The following TASOR variants were observed in gnomAD, a reference collection of about 807,000 sequenced individuals.
TASOR encodes the protein protein TASOR.
Under a neutral mutation model 178.6 loss-of-function variants are expected in TASOR, and 53 were observed. The observed-to-expected ratio is 0.30, with a 90% CI of 0.24 to 0.37. The LOEUF is 0.37. Among genes scored for constraint, TASOR ranks in the 10% least tolerant of loss-of-function variants. TASOR has a pLI of 1.00. For synonymous variants in TASOR, 713 were observed against 696.2 expected (o/e 1.02, Z -0.38); for missense variants, 1,815 against 1,971.4 (o/e 0.92, Z 1.50).
In TASOR at chr3:56,641,767, G is replaced by C. The variant is rs769881159; in HGVS notation, c.2216-15C>G. The C allele has an allele frequency of 8.3e-6, 13 of 1,574,772 alleles. No homozygotes were observed. The highest frequency in any genetic ancestry group is 5.6e-5 in the Admixed American group (3 of 53,462). On this transcript the variant is annotated splice_polypyrimidine_tract_variant and intron_variant, in intron 14 of 23. Coordinates refer to ENST00000683822, the MANE Select transcript of TASOR (RefSeq NM_001365635.2). The stretch of plus-strand genomic sequence containing the variant: ...CTGTGGAGACTCTGAGAAAAAGGAA[G>C]TCATTGGTTGAAGTTAAGTTTAAAA...
chr3:56,655,033 C>T (rs1273067641), intron 11 of TASOR, among the ~76,000 whole-genome samples: 2 of 152,112 alleles, frequency 1.3e-5, no homozygotes, highest in Non-Finnish European at 2.9e-5. Context: ...CTCTGCAGAA[C>T]CCAAAAATAC....
chr3:56,634,023 CACAA>C, intron 17 of TASOR, 57 bp from the exon 18 acceptor site: 1 of 1,365,810 alleles, frequency 7.3e-7, no homozygotes, highest in South Asian at 1.5e-5. Flanking sequence ...GATATGAAAA[CACAA>C]ACCCTTAAAT....
chr3:56,674,337 C>T (rs930892548), intron 1 of TASOR, among the ~76,000 whole-genome samples: 3 of 146,534 alleles, frequency 2.0e-5, no homozygotes, highest in African/African-American at 7.6e-5. Flanking sequence ...CCTGTCTCTA[C>T]AAACCATTAA....
intron 16 of TASOR, among the ~76,000 whole-genome samples, chr3:56,639,500 C>T (rs1454727835): frequency 6.6e-6 from 1 of 152,118 alleles, no homozygotes; most frequent in African/African-American, 2.4e-5. Flanking sequence ...AGGCCATTCT[C>T]TAAGATAATC....
Position 56,660,799 on chromosome 3 carries a change from C to T in TASOR, c.1300G>A (p.Val434Ile). 1 of 1,613,788 alleles carries T rather than the reference C, an allele frequency of 6.2e-7. No homozygotes were observed. Among genetic ancestry groups the T allele is most frequent in the Non-Finnish European group, 8.5e-7 (1 of 1,179,950 alleles). The change falls in exon 11 of 24, where the codon GTT (valine) becomes ATT (isoleucine). Residue 434 changes from valine (V) to isoleucine (I), a missense_variant. Val to Ile is a conservative substitution (Grantham distance 29). Transcript: ENST00000683822. ...CTTCCAATTCTTGTCTTTTCCACAA[C>T]TTCATAAAGGCTGCAATACATTCCA... ...KNGMYCSLYE[V>I]VEKTRIGSNM...
In TASOR at chr3:56,646,723, G is replaced by T. The variant is rs1190830374; in HGVS notation, c.2014C>A (p.His672Asn). Residue 672 changes from histidine to asparagine, a missense_variant, in exon 14 of 24, where the codon CAT (histidine) becomes AAT (asparagine). Physicochemically the swap from His to Asn is moderately conservative, Grantham distance 68. Transcript: ENST00000683822. ...CTATCCTTATCATAATCCAAAGAAT[G>T]AGATGATCTTTGCTTTCCAGATATA... The part of the protein sequence containing the change: ...AIISGKQRSS[H>N]SLDYDKDRVK... 1.9e-6 allele frequency: 3 copies of T among 1,613,670 alleles called. No homozygotes were observed. In the African/African-American group the frequency reaches 4.0e-5, roughly 22 times the overall value.
intron 9 of TASOR, among the ~76,000 whole-genome samples, chr3:56,661,456 G>A (rs2077593703): frequency 6.6e-6 from 1 of 152,168 alleles, no homozygotes; most frequent in Non-Finnish European, 1.5e-5. Flanking sequence ...GTGCCCAGCA[G>A]TAAAGGGGAT....
intron 18 of TASOR, among the ~76,000 whole-genome samples, chr3:56,631,302 A>G (rs2063053326): frequency 6.6e-6 from 1 of 152,180 alleles, no homozygotes; most frequent in Non-Finnish European, 1.5e-5. Context: ...GGCTTAGGAC[A>G]TGTTAGTAGC....
intron 11 of TASOR, among the ~76,000 whole-genome samples, chr3:56,659,137 A>G (rs1450214701): frequency 1.3e-5 from 2 of 152,180 alleles, no homozygotes; most frequent in Non-Finnish European, 2.9e-5. Context: ...TATATATGAA[A>G]ATAATTAAAT....
intron 15 of TASOR, among the ~76,000 whole-genome samples, chr3:56,640,915 A>G (rs976346849): frequency 6.6e-6 from 1 of 152,012 alleles, no homozygotes; most frequent in Non-Finnish European, 1.5e-5. Flanking sequence ...CTATTTGCGT[A>G]AGAAATACCA....
intron 11 of TASOR, among the ~76,000 whole-genome samples, chr3:56,655,336 A>G (rs554098914): frequency 1.6e-4 from 24 of 152,224 alleles, no homozygotes; most frequent in Non-Finnish European, 2.2e-4. Context: ...TGCAGAAGAT[A>G]TATTACAAGA....
intron 2 of TASOR, among the ~76,000 whole-genome samples, chr3:56,672,422 C>T (rs1351577809): frequency 2.6e-5 from 4 of 152,114 alleles, no homozygotes; most frequent in African/African-American, 9.7e-5. Flanking sequence ...TTTAGGGAAC[C>T]TTTCAAAATT....
At chr3:56,638,909 A>C in intron 16 of TASOR, 144 bp from the exon 17 acceptor site, 1 of 744,044 alleles carries the variant, frequency 1.3e-6, no homozygotes, top group Non-Finnish European at 2.3e-6. Context: ...TGATGATGGA[A>C]TATCAACACT....
chr3:56,676,738 G>A (rs1448047213), intron 1 of TASOR, among the ~76,000 whole-genome samples: 1 of 152,194 alleles, frequency 6.6e-6, no homozygotes, highest in African/African-American at 2.4e-5. Context: ...TAATCTAATC[G>A]TAAGTAAAAA....
At chr3:56,660,579 C>A in intron 11 of TASOR, 152 bp downstream of exon 11, 1 of 590,602 alleles carries the variant, frequency 1.7e-6, no homozygotes, top group South Asian at 2.2e-5. Context: ...ATACCAGAAC[C>A]ACAGTAAAAC....
At chr3:56,634,004 A>G in intron 17 of TASOR, 38 bp from the exon 18 acceptor site, 2 of 1,449,638 alleles carry the variant, frequency 1.4e-6, no homozygotes, top group Non-Finnish European at 1.8e-6. Context: ...GAGCAATCCA[A>G]AAAGATAAGA....
intron 11 of TASOR, among the ~76,000 whole-genome samples, chr3:56,653,947 A>G (rs2107595701): frequency 6.6e-6 from 1 of 152,316 alleles, no homozygotes; most frequent in East Asian, 1.9e-4. Context: ...TGACTTAAAG[A>G]CAGAAATAGC....
chr3:56,666,237 T>C (rs1198164183), intron 7 of TASOR, 23 bp downstream of exon 7: 3 of 1,515,456 alleles, frequency 2.0e-6, no homozygotes, highest in East Asian at 5.0e-5. Flanking sequence ...CTGCGGATGA[T>C]GTCTAAAACT....
At chr3:56,637,869 G>C (rs1321332575) in intron 17 of TASOR, among the ~76,000 whole-genome samples, 3 of 152,012 alleles carry the variant, frequency 2.0e-5, no homozygotes, top group Non-Finnish European at 4.4e-5. Context: ...ACCAAGATCA[G>C]ACAAAGATTA....
Sources: gnomAD v4.1 joint callset for allele counts (sites outside exome capture counted in the v4.1 genomes callset) on GRCh38, gnomAD v4.1.1 for gene constraint, MANE v1.5 for transcripts, NCBI Gene and HGNC (gene_info 2026-07-23, HGNC 2026-07-21) for gene names.